Variants in PPFIBP1 observed in about 807,000 individuals in gnomAD.
PPFIBP1 encodes the protein PPFIB scaffold protein 1.
PPFIBP1 carries 112 observed loss-of-function variants against 137.8 expected under a neutral mutation model. The observed-to-expected ratio is 0.81, with a 90% CI of 0.70 to 0.95. The LOEUF (loss-of-function observed/expected upper bound fraction) is 0.95. Among genes scored for constraint, PPFIBP1 ranks in the 40% least tolerant of loss-of-function variants. The pLI, the probability that PPFIBP1 is intolerant of heterozygous loss-of-function variation, is 0.00. For synonymous variants in PPFIBP1, 378 were observed against 417.3 expected, an observed-to-expected ratio of 0.91 and a Z score of 1.15; for missense variants, 1,083 against 1,196.6, an observed-to-expected ratio of 0.91 and a Z score of 1.40.
chr12:27,592,432 A>G lies in PPFIBP1; in HGVS notation c.-36+14193A>G, dbSNP rs940520933. The G allele has an allele frequency of 6.8e-5, 53 of 782,252 alleles. No individual in the cohort carries two copies. The African/African-American group carries it at 7.5e-4, about 11-fold the overall frequency. 48.5% of individuals were successfully genotyped at this position (782,252 alleles called of 1,614,324 possible). ...AATCCTATCTTATGGATTATTTTCA[A>G]CTTTCCAAAAAGTTGAAAAATCTGT... On this transcript the variant is annotated intron_variant, in intron 2 of 29. Coordinates refer to ENST00000228425, the MANE Select transcript of PPFIBP1 (RefSeq NM_003622.4).
rs1943824800 is a variant in PPFIBP1, at chr12:27,526,951, C to A, written c.-124+2586C>A. 2.6e-5 allele frequency among the ~76,000 whole-genome samples: 4 copies of A among 152,262 alleles called. No homozygotes were observed. In the South Asian group the frequency reaches 6.2e-4, roughly 24 times the overall value. ...CAATAGTGCCTAATTTCAAGGGCAT[C>A]ACTGACATTTTTTTGGGAACAAGTT... On this transcript the variant is annotated intron_variant, in intron 1 of 29. Transcript: ENST00000228425.
At chr12:27,634,259 T>C (rs2057490832) in intron 3 of PPFIBP1, among the ~76,000 whole-genome samples, 1 of 151,226 alleles carries the variant, frequency 6.6e-6, no homozygotes, top group South Asian at 2.1e-4. Context: ...AGCCTTGAAA[T>C]GCTGTGCTCA....
At chr12:27,686,691 A>C (rs1227294095) in intron 24 of PPFIBP1, among the ~76,000 whole-genome samples, 2 of 152,294 alleles carry the variant, frequency 1.3e-5, no homozygotes, top group East Asian at 3.9e-4. Context: ...GGAATAGTAT[A>C]ATAAGAGCAC....
At chr12:27,644,083 G>GT (rs1444757250) in intron 4 of PPFIBP1, among the ~76,000 whole-genome samples, 2 of 151,474 alleles carry the variant, frequency 1.3e-5, no homozygotes, top group African/African-American at 2.4e-5. Context: ...CAGTTTGTTT[G>GT]TTTGTTTTCT....
intron 1 of PPFIBP1, among the ~76,000 whole-genome samples, chr12:27,531,746 C>T (rs1336061577): frequency 6.6e-6 from 1 of 152,062 alleles, no homozygotes; most frequent in African/African-American, 2.4e-5. Flanking sequence ...AGAAGGTTCT[C>T]GGTAGGTTTA....
At chr12:27,639,580 T>C (rs1302045991) in intron 4 of PPFIBP1, among the ~76,000 whole-genome samples, 2 of 152,192 alleles carry the variant, frequency 1.3e-5, no homozygotes, top group Admixed American at 6.5e-5. Context: ...ATTACAAAAA[T>C]ACAATTTTCA....
Position 27,576,995 on chromosome 12 carries a change from A to G in PPFIBP1, c.-123-1157A>G, listed in dbSNP as rs149127673. 3.0e-3 allele frequency among the ~76,000 whole-genome samples: 460 copies of G among 152,242 alleles called. 3 individuals are homozygous for G. Among genetic ancestry groups the G allele is most frequent in the African/African-American group, 0.01 (421 of 41,510 alleles). ...TAAAATTGAGCTTGCCTGTTTACAT[A>G]TAATAAGTTGCTTAAAATTTGCTGG... On this transcript the variant is annotated intron_variant, in intron 1 of 29. Transcript: ENST00000228425.
At position 27,535,837 on chromosome 12, in the gene PPFIBP1, A is replaced by G. The variant is rs140602894; in HGVS notation, c.-124+11472A>G. Reference sequence around the variant, plus strand: ...AACTACTTTTATTTCACTTCTTGACATGTGCACATTCTACTGACACCTACC... The same window carrying G: ...AACTACTTTTATTTCACTTCTTGACGTGTGCACATTCTACTGACACCTACC... On this transcript the variant is annotated intron_variant, in intron 1 of 29. Coordinates refer to ENST00000228425, the MANE Select transcript of PPFIBP1 (RefSeq NM_003622.4). Among the ~76,000 whole-genome samples, 730 of 152,270 alleles carry G rather than the reference A, an allele frequency of 4.8e-3. 6 individuals carry two copies. In the Middle Eastern group the frequency reaches 0.054, roughly 11 times the overall value.
At chr12:27,561,427 A>G (rs1484985226) in intron 1 of PPFIBP1, among the ~76,000 whole-genome samples, 1 of 152,182 alleles carries the variant, frequency 6.6e-6, no homozygotes, top group Non-Finnish European at 1.5e-5. Context: ...TGAATCTCAA[A>G]TATCTTTAGC....
At chr12:27,673,734 C>T (rs975759905) in intron 15 of PPFIBP1, 33 bp from the exon 16 acceptor site, 4 of 1,587,604 alleles carry the variant, frequency 2.5e-6, no homozygotes, top group East Asian at 2.2e-5. Context: ...ACTGGAGCCA[C>T]TTATTATTAA....
intron 8 of PPFIBP1, chr12:27,655,070 T>TA (rs2059111066): frequency 6.8e-6 from 8 of 1,178,558 alleles, no homozygotes; most frequent in Non-Finnish European, 9.7e-6. Context: ...TATAAACTGA[T>TA]ACTGTTTTCT....
intron 2 of PPFIBP1, among the ~76,000 whole-genome samples, chr12:27,589,423 G>T (rs1443040106): frequency 1.3e-5 from 2 of 152,168 alleles, no homozygotes; most frequent in African/African-American, 4.8e-5. Context: ...GAGGTTATAG[G>T]CATGAGCCAC....
intron 2 of PPFIBP1, chr12:27,584,398 G>C (rs962138795): frequency 6.6e-6 from 1 of 152,258 alleles, no homozygotes; most frequent in Non-Finnish European, 1.5e-5. Context: ...ACTGATGCAG[G>C]AAAGTGGAGC....
At chr12:27,590,599 G>A (rs2052383004) in intron 2 of PPFIBP1, among the ~76,000 whole-genome samples, 1 of 152,186 alleles carries the variant, frequency 6.6e-6, no homozygotes, top group Non-Finnish European at 1.5e-5. Flanking sequence ...CAAGAAGGTG[G>A]CAGAGCAGGG....
intron 2 of PPFIBP1, among the ~76,000 whole-genome samples, chr12:27,606,562 C>T (rs910839188): frequency 6.6e-6 from 1 of 152,306 alleles, no homozygotes; most frequent in South Asian, 2.1e-4. Context: ...CAAATGAATA[C>T]ATCCAGGAGA....
intron 2 of PPFIBP1, among the ~76,000 whole-genome samples, chr12:27,605,357 G>C (rs1277224773): frequency 6.6e-6 from 1 of 152,112 alleles, no homozygotes; most frequent in Non-Finnish European, 1.5e-5. Flanking sequence ...TGGTTGCCAG[G>C]AGCCCCTGGG....
At position 27,679,477 on chromosome 12, in the gene PPFIBP1, C is replaced by T; in HGVS notation, c.1616-12C>T. On this transcript the variant is annotated splice_polypyrimidine_tract_variant and intron_variant, in intron 19 of 29. Transcript: ENST00000228425. ...TTTAAAATTCATTGTCTGCATTCTG[C>T]TCTTGGAGTAGCTGAAACAGAAAAA... 1 of 1,603,826 alleles carries T rather than the reference C, an allele frequency of 6.2e-7. No homozygotes were observed. Among genetic ancestry groups the T allele is most frequent in the Non-Finnish European group, 8.5e-7 (1 of 1,176,902 alleles).
At chr12:27,692,549 T>G (rs775683328) in intron 28 of PPFIBP1, 42 bp from the exon 29 acceptor site, 2 of 1,589,226 alleles carry the variant, frequency 1.3e-6, no homozygotes, top group Non-Finnish European at 1.7e-6. Context: ...TTCCCTGAAA[T>G]TGTGAAAACA....
Position 27,664,428 on chromosome 12 carries a change from C to G in PPFIBP1, c.973C>G (p.Leu325Val), listed in dbSNP as rs1310188165. The change falls in exon 12 of 30, where the codon CTG becomes GTG. Residue 325 changes from leucine (L) to valine (V), a missense_variant. By Grantham distance (32) the Leu-to-Val change is conservative. Coordinates refer to ENST00000228425, the MANE Select transcript of PPFIBP1 (RefSeq NM_003622.4). Reference protein sequence around the residue: ...RYKKMQDTVVLAQGKKGKDGE... With the variant: ...RYKKMQDTVVVAQGKKGKDGE... ...CAAGAAAATGCAAGACACGGTGGTACTGGCCCAAGGTAAAAAAGGTAGAGT... is the reference window on the plus strand; with the variant it reads ...CAAGAAAATGCAAGACACGGTGGTAGTGGCCCAAGGTAAAAAAGGTAGAGT... The G allele has an allele frequency of 6.2e-7, 1 of 1,612,016 alleles. No homozygotes were observed. Among genetic ancestry groups the G allele is most frequent in the Non-Finnish European group, 8.5e-7 (1 of 1,178,574 alleles).
Sources: allele counts gnomAD v4.1 joint callset (sites outside exome capture counted in the v4.1 genomes callset), GRCh38; gene constraint gnomAD v4.1.1; transcripts MANE v1.5; gene names NCBI Gene and HGNC (gene_info 2026-07-23, HGNC 2026-07-21).